The following CAMTA1 variants were observed in gnomAD, a reference collection of about 807,000 sequenced individuals.
CAMTA1 encodes calmodulin-binding transcription activator 1.
In CAMTA1, 27 loss-of-function variants were observed where a neutral mutation model predicts 170.9. That is an observed-to-expected ratio of 0.16 (90% CI 0.12 to 0.22). The LOEUF is 0.22. Ranked by LOEUF, CAMTA1 falls within the 10% of genes least tolerant of loss-of-function variation. The probability of loss-of-function intolerance (pLI) is 1.00; values close to 1 mark genes in which losing one functional copy is unlikely to be tolerated. For synonymous variants in CAMTA1, 833 were observed against 891.5 expected, an observed-to-expected ratio of 0.93 and a Z score of 1.17; for missense variants, 1,619 against 2,217.2, an observed-to-expected ratio of 0.73 and a Z score of 5.42.
chr1:7,228,362 G>C (rs1048597159), intron 4 of CAMTA1, among the ~76,000 whole-genome samples: 1 of 152,206 alleles, frequency 6.6e-6, no homozygotes, highest in Non-Finnish European at 1.5e-5. Context: ...CAGCACTTTG[G>C]GGGGCCGAGG....
At chr1:7,103,479 CTACACACG>C (rs369327282) in intron 4 of CAMTA1, among the ~76,000 whole-genome samples, 1,534 of 144,758 alleles carry the variant, frequency 0.011, 21 homozygotes, top group African/African-American at 0.038. Context: ...ACAACACACA[CTACACACG>C]TACACACAAC....
chr1:7,606,096 G>C (rs867855143), intron 6 of CAMTA1, among the ~76,000 whole-genome samples: 5 of 152,354 alleles, frequency 3.3e-5, no homozygotes, highest in African/African-American at 1.2e-4. Flanking sequence ...AGGTCACTCT[G>C]GCAAGTCTGG....
intron 5 of CAMTA1, among the ~76,000 whole-genome samples, chr1:7,347,664 C>G (rs1297549585): frequency 1.3e-5 from 2 of 152,258 alleles, no homozygotes; most frequent in East Asian, 3.9e-4. Context: ...CTTCTGGAAG[C>G]TCTAAGGCAG....
intron 3 of CAMTA1, among the ~76,000 whole-genome samples, chr1:6,877,950 A>G (rs540325846): frequency 1.3e-5 from 2 of 152,348 alleles, no homozygotes; most frequent in East Asian, 1.9e-4. Context: ...TGCACATAGT[A>G]GATACTCAGC....
intron 5 of CAMTA1, among the ~76,000 whole-genome samples, chr1:7,337,896 C>T (rs1326187622): frequency 2.0e-5 from 3 of 152,010 alleles, no homozygotes; most frequent in African/African-American, 7.3e-5. Context: ...CTTGTCCGCC[C>T]AACAAATTTG....
intron 5 of CAMTA1, among the ~76,000 whole-genome samples, chr1:7,358,947 G>T (rs945213071): frequency 2.6e-5 from 4 of 152,120 alleles, no homozygotes; most frequent in Non-Finnish European, 4.4e-5. Context: ...AGCCCTGGGG[G>T]CCCTGGAGCC....
rs143398123 is a variant in CAMTA1, at chr1:7,547,762, G to A, written c.510+79861G>A. Among the ~76,000 whole-genome samples, 269 of 151,854 alleles carry A rather than the reference G, an allele frequency of 1.8e-3. No individual in the cohort carries two copies. Among genetic ancestry groups the A allele is most frequent in the African/African-American group, 6.0e-3 (249 of 41,340 alleles). ...GTTAGTATATTTATGTGTGGCCTAA[G>A]AGAATTATTCTTCCAACATAATCTC... is the stretch of plus-strand genomic sequence containing the variant. On this transcript the variant is annotated intron_variant, in intron 6 of 22. Coordinates refer to ENST00000303635, the MANE Select transcript of CAMTA1 (RefSeq NM_015215.4). The surrounding 1 kb of genome is among the most constrained non-coding windows in gnomAD (Gnocchi z 5.7).
At chr1:7,758,591 G>A (rs1324682445) in intron 22 of CAMTA1, among the ~76,000 whole-genome samples, 1 of 152,196 alleles carries the variant, frequency 6.6e-6, no homozygotes, top group Admixed American at 6.5e-5. Flanking sequence ...TTGGGAGGCA[G>A]AGCATTCTCT....
chr1:7,204,092 C>G (rs1458816357), intron 4 of CAMTA1, among the ~76,000 whole-genome samples: 1 of 152,004 alleles, frequency 6.6e-6, no homozygotes, highest in African/African-American at 2.4e-5. Flanking sequence ...CTCGCCTCAG[C>G]CTCCCAAAGT....
At chr1:6,945,601 G>A (rs944112964) in intron 3 of CAMTA1, among the ~76,000 whole-genome samples, 4 of 151,996 alleles carry the variant, frequency 2.6e-5, no homozygotes, top group Non-Finnish European at 4.4e-5. Context: ...CTCCTGCTTC[G>A]CCTCCAAGTG....
chr1:7,607,399 GTGGATGGATGGA>G (rs146308752), intron 6 of CAMTA1, among the ~76,000 whole-genome samples: 1 of 144,174 alleles, frequency 6.9e-6, no homozygotes, highest in Non-Finnish European at 1.5e-5. Context: ...AGGTGGACTG[GTGGATGGATGGA>G]TGGATGGATG....
Position 7,665,014 on chromosome 1 carries a change from T to A in CAMTA1, c.2467T>A (p.Cys823Ser), listed in dbSNP as rs2095989182. 3.1e-6 allele frequency: 5 copies of A among 1,597,610 alleles called. No homozygotes were observed. In the East Asian group the frequency reaches 1.1e-4, roughly 36 times the overall value. Residue 823 changes from cysteine (C) to serine (S), a missense_variant, in exon 9 of 23, where the codon TGC becomes AGC. By Grantham distance (112) the Cys-to-Ser change is moderately radical (BLOSUM62 -1). Transcript: ENST00000303635. The surrounding 1 kb of genome is among the most constrained non-coding windows in gnomAD (Gnocchi z 4.3). ...PFTQAEMCLP[C>S]CSPQQGSLQL... Reference sequence around the variant, plus strand: ...CACCCAGGCAGAGATGTGCCTCCCCTGCTGTAGCCCCCAGCAGGGTAGCCT... The same window carrying A: ...CACCCAGGCAGAGATGTGCCTCCCCAGCTGTAGCCCCCAGCAGGGTAGCCT...
At position 7,249,442 on chromosome 1, in the gene CAMTA1, T is replaced by A. The variant is rs1311049251; in HGVS notation, c.303-49T>A. On this transcript the variant is annotated intron_variant, in intron 4 of 22. Transcript: ENST00000303635. The surrounding 1 kb of genome is among the most constrained non-coding windows in gnomAD (Gnocchi z 4.4). ...GTCGATGATATCTTTCTTCATAAATTTTTCTTCTACTTGGTACTCTTGGTA... is the reference window on the plus strand; with the variant it reads ...GTCGATGATATCTTTCTTCATAAATATTTCTTCTACTTGGTACTCTTGGTA... 7.8e-6 allele frequency: 12 copies of A among 1,535,420 alleles called. No individual in the cohort carries two copies. The highest frequency in any genetic ancestry group is 9.7e-6 in the Non-Finnish European group (11 of 1,132,190).
At chr1:6,912,813 C>T (rs578077013) in intron 3 of CAMTA1, among the ~76,000 whole-genome samples, 1 of 152,202 alleles carries the variant, frequency 6.6e-6, no homozygotes, top group East Asian at 1.9e-4. Flanking sequence ...GCCTCCATGC[C>T]CGTCACTGAA....
At chr1:7,571,444 A>C (rs886135505) in intron 6 of CAMTA1, among the ~76,000 whole-genome samples, 1 of 152,148 alleles carries the variant, frequency 6.6e-6, no homozygotes, top group Non-Finnish European at 1.5e-5. Flanking sequence ...GGTACTAAAC[A>C]TAGTACCCAA....
At chr1:7,600,044 T>C (rs2095428300) in intron 6 of CAMTA1, among the ~76,000 whole-genome samples, 1 of 152,206 alleles carries the variant, frequency 6.6e-6, no homozygotes. Flanking sequence ...TGCTTCCAGT[T>C]TTTGCCCATT....
At chr1:7,667,169 A>G (rs1000138499) in intron 9 of CAMTA1, among the ~76,000 whole-genome samples, 8 of 152,086 alleles carry the variant, frequency 5.3e-5, no homozygotes, top group Non-Finnish European at 8.8e-5. Context: ...GATTTCGGGC[A>G]TGAGCCACCA....
intron 11 of CAMTA1, among the ~76,000 whole-genome samples, chr1:7,722,062 G>T (rs1167259255): frequency 6.6e-6 from 1 of 152,220 alleles, no homozygotes; most frequent in Non-Finnish European, 1.5e-5. Flanking sequence ...AGTAGGTGCT[G>T]CTGGGGCCTG....
chr1:7,310,663 CTTTCTTTCCTT>C (rs1676445199), intron 5 of CAMTA1, among the ~76,000 whole-genome samples: 1 of 29,348 alleles, frequency 3.4e-5, no homozygotes, highest in Admixed American at 4.3e-4. Context: ...TTCTTTCTTT[CTTTCTTTCCTT>C]TCTTTCTCTC....
Sources: gnomAD v4.1 joint callset for allele counts (sites outside exome capture counted in the v4.1 genomes callset) on GRCh38, gnomAD v4.1.1 for gene constraint, Gnocchi (gnomAD v3.1) non-coding constraint, MANE v1.5 for transcripts, NCBI Gene and HGNC (gene_info 2026-07-23, HGNC 2026-07-21) for gene names.